Variants in CADPS observed in about 807,000 individuals in gnomAD.
CADPS encodes the protein calcium-dependent secretion activator 1.
Under a neutral mutation model 167.3 loss-of-function variants are expected in CADPS, and 57 were observed. That is an observed-to-expected ratio of 0.34 (90% confidence interval 0.28 to 0.42). The LOEUF is 0.42. Ranked by LOEUF, CADPS falls within the 20% of genes least tolerant of loss-of-function variation. The probability of loss-of-function intolerance (pLI) is 1.00; values close to 1 mark genes in which losing one functional copy is unlikely to be tolerated. For synonymous variants in CADPS, 676 were observed against 635.3 expected (o/e 1.06, Z -0.96); for missense variants, 1,414 against 1,738.1 (o/e 0.81, Z 3.32).
At chr3:62,557,362 G>T in intron 10 of CADPS, 43 bp downstream of exon 10, 2 of 1,335,958 alleles carry the variant, frequency 1.5e-6, no homozygotes, top group Non-Finnish European at 2.2e-6. Flanking sequence ...ATTTGGGAAG[G>T]TTGAGGGTTT....
Position 62,816,132 on chromosome 3 carries a change from G to A in CADPS, c.442-50148C>T, listed in dbSNP as rs571857109. On this transcript the variant is annotated intron_variant, in intron 1 of 29. Coordinates refer to ENST00000383710, the MANE Select transcript of CADPS (RefSeq NM_003716.4). Reference sequence around the variant, plus strand: ...GACCTGCTCTTGCTATGAATACTTAGCATATTTATAAGAAATATTGTTATG... The same window carrying A: ...GACCTGCTCTTGCTATGAATACTTAACATATTTATAAGAAATATTGTTATG... Among the ~76,000 whole-genome samples, 32 of 152,176 alleles carry A rather than the reference G, an allele frequency of 2.1e-4. No individual in the cohort carries two copies. The South Asian group carries it at 6.4e-3, about 31-fold the overall frequency.
chr3:62,611,056 A>C (rs1005957688), intron 6 of CADPS, among the ~76,000 whole-genome samples: 2 of 152,040 alleles, frequency 1.3e-5, no homozygotes, highest in African/African-American at 4.8e-5. Context: ...ACAGCAAATA[A>C]TTATCCAGCC....
In CADPS at chr3:62,433,148, G is replaced by T. The variant is rs964691201; in HGVS notation, c.3777+4956C>A. ...ATTGATATATGCTCACATGTATGGT[G>T]CTTTAGTAATTTAATAAGGTTGTTA... On this transcript the variant is annotated intron_variant, in intron 28 of 29. Coordinates refer to ENST00000383710, the MANE Select transcript of CADPS (RefSeq NM_003716.4). This position sits in a 1 kb window ranked among gnomAD's most constrained non-coding sequence, Gnocchi z 4.7. Among the ~76,000 whole-genome samples the T allele has an allele frequency of 6.6e-6, 1 of 152,024 alleles. No homozygotes were observed. Among genetic ancestry groups the T allele is most frequent in the African/African-American group, 2.4e-5 (1 of 41,374 alleles).
chr3:62,550,693 C>T (rs192946973), intron 10 of CADPS, among the ~76,000 whole-genome samples: 2 of 152,192 alleles, frequency 1.3e-5, no homozygotes, highest in Middle Eastern at 3.4e-3. Context: ...GGTCTCTCCC[C>T]TCCTTTTCTG....
intron 3 of CADPS, among the ~76,000 whole-genome samples, chr3:62,692,934 G>A (rs1307294013): frequency 1.3e-5 from 2 of 151,980 alleles, no homozygotes; most frequent in Non-Finnish European, 1.5e-5. Flanking sequence ...TGGCCTCTTA[G>A]TAGATGATGT....
At chr3:62,724,076 A>T (rs559075520) in intron 3 of CADPS, among the ~76,000 whole-genome samples, 94 of 152,316 alleles carry the variant, frequency 6.2e-4, no homozygotes, top group African/African-American at 2.2e-3. Flanking sequence ...CTTAACCTTG[A>T]TGTATCTGCA....
intron 27 of CADPS, among the ~76,000 whole-genome samples, chr3:62,443,909 A>C (rs1534724): frequency 0.35 from 53,323 of 152,016 alleles, 10,665 homozygotes; most frequent in East Asian, 0.51. Flanking sequence ...CTGCATTTTG[A>C]TATAGAGTCC....
At chr3:62,617,548 T>C (rs146947433) in intron 6 of CADPS, among the ~76,000 whole-genome samples, 2 of 152,142 alleles carry the variant, frequency 1.3e-5, no homozygotes, top group African/African-American at 4.8e-5. Flanking sequence ...AGGGGGCTCA[T>C]AGGCTGGTGG....
chr3:62,700,031 T>C (rs1311913262), intron 3 of CADPS, among the ~76,000 whole-genome samples: 1 of 152,130 alleles, frequency 6.6e-6, no homozygotes, highest in African/African-American at 2.4e-5. Flanking sequence ...CCAACCCCTA[T>C]TCTACAAGTC....
At chr3:62,839,099 A>G (rs1204595526) in intron 1 of CADPS, among the ~76,000 whole-genome samples, 1 of 152,212 alleles carries the variant, frequency 6.6e-6, no homozygotes, top group Non-Finnish European at 1.5e-5. Flanking sequence ...ACACATGAAG[A>G]TGCTTATTCA....
chr3:62,488,674 G>GAGAT (rs1199034311), intron 21 of CADPS, among the ~76,000 whole-genome samples: 1 of 151,844 alleles, frequency 6.6e-6, no homozygotes, highest in Non-Finnish European at 1.5e-5. Flanking sequence ...TTATTTTGTA[G>GAGAT]AGATGGAGTC....
intron 9 of CADPS, among the ~76,000 whole-genome samples, chr3:62,561,791 G>A (rs1562186163): frequency 1.3e-5 from 2 of 152,112 alleles, no homozygotes; most frequent in Admixed American, 6.5e-5. Flanking sequence ...AATGTATTTT[G>A]TCTAAATCTT....
At chr3:62,509,939 C>A (rs1354506651) in intron 17 of CADPS, among the ~76,000 whole-genome samples, 1 of 152,148 alleles carries the variant, frequency 6.6e-6, no homozygotes, top group Non-Finnish European at 1.5e-5. Flanking sequence ...AGTTACTTAT[C>A]CTCACTGAAT....
intron 6 of CADPS, among the ~76,000 whole-genome samples, chr3:62,644,019 T>C (rs1183628992): frequency 1.3e-5 from 2 of 152,222 alleles, no homozygotes; most frequent in Non-Finnish European, 2.9e-5. Flanking sequence ...TTTCCTCTTG[T>C]ACACACTCAT....
chr3:62,423,640 C>T (rs952970321), intron 28 of CADPS, among the ~76,000 whole-genome samples: 1 of 152,180 alleles, frequency 6.6e-6, no homozygotes, highest in Non-Finnish European at 1.5e-5. Context: ...AGTCAGTTTG[C>T]CACTCAGTAA....
chr3:62,760,244 TC>T (rs1390409687), intron 2 of CADPS, among the ~76,000 whole-genome samples: 1 of 152,070 alleles, frequency 6.6e-6, no homozygotes, highest in Non-Finnish European at 1.5e-5. Flanking sequence ...AATGGAACTG[TC>T]CAGGTATATA....
At chr3:62,606,979 A>G (rs1250573065) in intron 6 of CADPS, among the ~76,000 whole-genome samples, 1 of 152,270 alleles carries the variant, frequency 6.6e-6, no homozygotes. Flanking sequence ...ATGACAAATG[A>G]GAATAAATGA....
At chr3:62,517,447 A>G (rs758289473) in intron 14 of CADPS, among the ~76,000 whole-genome samples, 2 of 152,194 alleles carry the variant, frequency 1.3e-5, no homozygotes, top group Non-Finnish European at 2.9e-5. Flanking sequence ...ACTACCTTAC[A>G]AAGTTGTTAT....
chr3:62,607,713 G>A (rs1347232898), intron 6 of CADPS, among the ~76,000 whole-genome samples: 1 of 152,234 alleles, frequency 6.6e-6, no homozygotes, highest in African/African-American at 2.4e-5. Flanking sequence ...CATTGGGGCG[G>A]GGGTTGGCTG....
Sources: allele counts gnomAD v4.1 joint callset (sites outside exome capture counted in the v4.1 genomes callset), GRCh38; gene constraint gnomAD v4.1.1; non-coding constraint Gnocchi (gnomAD v3.1); transcripts MANE v1.5; gene names NCBI Gene and HGNC (gene_info 2026-07-23, HGNC 2026-07-21).